PTPN4: variants seen among roughly 807,000 people sequenced by gnomAD.
PTPN4 encodes tyrosine-protein phosphatase non-receptor type 4.
Under a neutral mutation model 135.5 loss-of-function variants are expected in PTPN4, and 49 were observed. The observed-to-expected ratio is 0.36, with a 90% CI of 0.29 to 0.46. The LOEUF (loss-of-function observed/expected upper bound fraction) is 0.46. Among genes scored for constraint, PTPN4 ranks in the 20% least tolerant of loss-of-function variants. The probability of loss-of-function intolerance (pLI) is 1.00; values close to 1 mark genes in which losing one functional copy is unlikely to be tolerated. For synonymous variants in PTPN4, 333 were observed against 369.9 expected, an observed-to-expected ratio of 0.90 and a Z score of 1.14; for missense variants, 860 against 1,101.0, an observed-to-expected ratio of 0.78 and a Z score of 3.10.
intron 9 of PTPN4, among the ~76,000 whole-genome samples, chr2:119,890,068 T>A (rs1420926992): frequency 2.6e-5 from 4 of 152,214 alleles, no homozygotes; most frequent in Non-Finnish European, 4.4e-5. Flanking sequence ...AATGTTTCTT[T>A]ATTTTTTTTC....
chr2:119,788,428 C>T (rs1166955597), intron 1 of PTPN4, among the ~76,000 whole-genome samples: 1 of 152,030 alleles, frequency 6.6e-6, no homozygotes, highest in Non-Finnish European at 1.5e-5. Flanking sequence ...TGTTTTTAAT[C>T]GAGGTAAAAT....
intron 24 of PTPN4, among the ~76,000 whole-genome samples, chr2:119,963,964 G>A (rs1679409063): frequency 6.6e-6 from 1 of 152,146 alleles, no homozygotes; most frequent in Non-Finnish European, 1.5e-5. Context: ...TAAGACATGA[G>A]TTAGTTTCTA....
intron 20 of PTPN4, 82 bp from the exon 21 acceptor site, chr2:119,956,762 T>C: frequency 6.4e-7 from 1 of 1,570,470 alleles, no homozygotes; most frequent in Non-Finnish European, 8.6e-7. Flanking sequence ...TGTTTCCTGT[T>C]AGTGTAGAAA....
chr2:119,774,794 A>AG (rs1690800652), intron 1 of PTPN4, among the ~76,000 whole-genome samples: 1 of 152,136 alleles, frequency 6.6e-6, no homozygotes, highest in South Asian at 2.1e-4. Context: ...TGGGAGGCCG[A>AG]GGCGGGCAGA....
chr2:119,931,356 A>G (rs972061014), intron 13 of PTPN4, among the ~76,000 whole-genome samples: 2 of 151,508 alleles, frequency 1.3e-5, no homozygotes, highest in East Asian at 1.9e-4. Flanking sequence ...CTAAAATTCT[A>G]AGGGTTTATG....
At chr2:119,766,389 CTT>C (rs1289427021) in intron 1 of PTPN4, among the ~76,000 whole-genome samples, 20 of 152,136 alleles carry the variant, frequency 1.3e-4, no homozygotes, top group Non-Finnish European at 4.4e-5. Flanking sequence ...CTTTCTCTCT[CTT>C]TTTCCCTCCC....
chr2:119,918,303 A>G (rs1364661618), intron 11 of PTPN4, among the ~76,000 whole-genome samples: 1 of 152,240 alleles, frequency 6.6e-6, no homozygotes, highest in Non-Finnish European at 1.5e-5. Flanking sequence ...AACCGGACAT[A>G]GAAGGAAACC....
intron 1 of PTPN4, among the ~76,000 whole-genome samples, chr2:119,793,929 C>T (rs750157460): frequency 1.5e-5 from 2 of 135,630 alleles, no homozygotes; most frequent in Non-Finnish European, 3.1e-5. Flanking sequence ...AATCATAGCT[C>T]ACAGCAGCCT....
chr2:119,835,221 G>C (rs972629761), intron 2 of PTPN4, among the ~76,000 whole-genome samples: 3 of 152,072 alleles, frequency 2.0e-5, no homozygotes, highest in African/African-American at 7.2e-5. Context: ...GTCTCACTCT[G>C]TCGCTCAGGC....
At chr2:119,885,528 G>T (rs1041365760) in intron 8 of PTPN4, among the ~76,000 whole-genome samples, 3 of 152,168 alleles carry the variant, frequency 2.0e-5, no homozygotes, top group Non-Finnish European at 4.4e-5. Context: ...GAGGGGTTTT[G>T]TTACAGTCAC....
intron 15 of PTPN4, among the ~76,000 whole-genome samples, chr2:119,936,580 A>G (rs1285024672): frequency 6.6e-6 from 1 of 152,072 alleles, no homozygotes; most frequent in Admixed American, 6.5e-5. Context: ...TTCCACCATG[A>G]TTGTAAATTT....
intron 2 of PTPN4, among the ~76,000 whole-genome samples, chr2:119,821,338 A>C (rs1677066097): frequency 6.6e-6 from 1 of 151,384 alleles, no homozygotes; most frequent in South Asian, 2.1e-4. Context: ...TGATCTGCCC[A>C]GCTGGGCCTC....
intron 1 of PTPN4, among the ~76,000 whole-genome samples, chr2:119,783,373 G>C (rs762560908): frequency 6.6e-6 from 1 of 152,194 alleles, no homozygotes; most frequent in Non-Finnish European, 1.5e-5. Flanking sequence ...TGTAACAAAG[G>C]TCTCAGTATA....
intron 2 of PTPN4, among the ~76,000 whole-genome samples, chr2:119,838,804 T>C (rs1323431854): frequency 2.6e-5 from 4 of 152,216 alleles, no homozygotes; most frequent in African/African-American, 9.6e-5. Flanking sequence ...AACTTTAAAA[T>C]TGCTTCTATT....
intron 1 of PTPN4, among the ~76,000 whole-genome samples, chr2:119,797,878 T>A (rs908684093): frequency 6.6e-6 from 1 of 152,174 alleles, no homozygotes; most frequent in African/African-American, 2.4e-5. Flanking sequence ...GCCTAAGCGC[T>A]TCTTCTTTTT....
At chr2:119,874,630 C>A (rs1273455622) in intron 3 of PTPN4, among the ~76,000 whole-genome samples, 2 of 152,090 alleles carry the variant, frequency 1.3e-5, no homozygotes, top group South Asian at 4.1e-4. Context: ...TACATTGAGA[C>A]TGACTGCGAA....
chr2:119,840,764 A>T (rs1034224042), intron 2 of PTPN4, among the ~76,000 whole-genome samples: 11 of 151,996 alleles, frequency 7.2e-5, no homozygotes, highest in Admixed American at 2.6e-4. Flanking sequence ...TTGTTTTTTG[A>T]CTTTTTAATA....
chr2:119,950,758 T>G (rs1305820822), intron 18 of PTPN4, among the ~76,000 whole-genome samples: 1 of 152,208 alleles, frequency 6.6e-6, no homozygotes, highest in Non-Finnish European at 1.5e-5. Context: ...CATGTCCATA[T>G]TTCTATTTCT....
At chr2:119,968,008 T>C (rs750514188) in intron 26 of PTPN4, 36 bp downstream of exon 26, 1 of 1,411,544 alleles carries the variant, frequency 7.1e-7, no homozygotes, top group Admixed American at 2.3e-5. Flanking sequence ...TGTATATTCT[T>C]AACATGATGA....
Sources: gnomAD v4.1 joint callset for allele counts (sites outside exome capture counted in the v4.1 genomes callset) on GRCh38, gnomAD v4.1.1 for gene constraint, MANE v1.5 for transcripts, NCBI Gene and HGNC (gene_info 2026-07-23, HGNC 2026-07-21) for gene names.